The following CLDN10 variants were observed in gnomAD, a reference collection of about 807,000 sequenced individuals.
CLDN10 encodes claudin 10, also known as claudin-10.
Under a neutral mutation model 22.9 loss-of-function variants are expected in CLDN10, and 15 were observed. The observed-to-expected ratio is 0.65, with a 90% CI of 0.44 to 1.01. CLDN10 has a LOEUF of 1.01. Ranked by LOEUF, CLDN10 falls within the 50% of genes least tolerant of loss-of-function variation. CLDN10 has a pLI of 0.00. For synonymous variants in CLDN10, 114 were observed against 111.4 expected (o/e 1.02, Z -0.15); for missense variants, 247 against 287.8 (o/e 0.86, Z 1.03).
chr13:95,486,148 G>C (rs1228237314), intron 1 of CLDN10, among the ~76,000 whole-genome samples: 1 of 152,144 alleles, frequency 6.6e-6, no homozygotes, highest in African/African-American at 2.4e-5. Context: ...ATGGATGCTA[G>C]GCTTCTGTTG....
Position 95,471,008 on chromosome 13 carries a change from G to C in CLDN10, c.214+36961G>C, listed in dbSNP as rs544305275. On this transcript the variant is annotated intron_variant, in intron 1 of 4. Transcript: ENST00000376873. ...AGTTCCTGCTCTTCCAGGCTAGAGG[G>C]GGAAAGGAGACGAGAAAGGAGAGGT... 7.9e-5 allele frequency among the ~76,000 whole-genome samples: 12 copies of C among 152,274 alleles called. No individual in the cohort carries two copies. In the East Asian group the frequency reaches 2.3e-3, roughly 29 times the overall value.
intron 1 of CLDN10, among the ~76,000 whole-genome samples, chr13:95,512,509 G>C (rs540524909): frequency 6.6e-6 from 1 of 152,298 alleles, no homozygotes; most frequent in South Asian, 2.1e-4. Flanking sequence ...GGAGAATAGG[G>C]GGATAGCGAG....
chr13:95,550,461 C>T (rs2043551091), upstream of CLDN10, among the ~76,000 whole-genome samples: 1 of 152,098 alleles, frequency 6.6e-6, no homozygotes. Flanking sequence ...AAGAAATAAT[C>T]AATTTAGTGA....
chr13:95,477,292 G>A (rs1566290435), intron 1 of CLDN10, among the ~76,000 whole-genome samples: 1 of 152,170 alleles, frequency 6.6e-6, no homozygotes, highest in Non-Finnish European at 1.5e-5. Context: ...CTCAGGACTG[G>A]CTAGTTTAAA....
At chr13:95,498,699 C>A (rs2042953166) in intron 1 of CLDN10, among the ~76,000 whole-genome samples, 1 of 152,158 alleles carries the variant, frequency 6.6e-6, no homozygotes, top group Admixed American at 6.5e-5. Flanking sequence ...CCAGCCTATT[C>A]CTCTCCTTTA....
chr13:95,560,063 G>C (rs1338500821), intron 1 of CLDN10, 69 bp from the exon 2 acceptor site: 30 of 1,403,852 alleles, frequency 2.1e-5, no homozygotes, highest in Non-Finnish European at 2.8e-5. Flanking sequence ...GAATGACAAC[G>C]TAAAATGAGG....
chr13:95,542,199 C>T (rs1290059950), intron 1 of CLDN10, among the ~76,000 whole-genome samples: 1 of 152,176 alleles, frequency 6.6e-6, no homozygotes, highest in African/African-American at 2.4e-5. Context: ...CTGAACCATT[C>T]GTGAGAAATC....
At position 95,519,495 on chromosome 13, in the gene CLDN10, G is replaced by A. The variant is rs73545100; in HGVS notation, c.215-40637G>A. ...GTTAGCTAGAAGTTATACAGCAGTT[G>A]ATCAACCTAGATCTTCATAATAGCC... On this transcript the variant is annotated intron_variant, in intron 1 of 4. Transcript: ENST00000376873. Among the ~76,000 whole-genome samples, 1,438 of 152,328 alleles carry A rather than the reference G, an allele frequency of 9.4e-3. 32 individuals carry two copies. Among genetic ancestry groups the A allele is most frequent in the African/African-American group, 0.033 (1,369 of 41,584 alleles).
intron 1 of CLDN10, among the ~76,000 whole-genome samples, chr13:95,456,792 G>A (rs2042486142): frequency 6.6e-6 from 1 of 152,062 alleles, no homozygotes; most frequent in South Asian, 2.1e-4. Flanking sequence ...AAAACAAAAT[G>A]AAAACATTCA....
chr13:95,490,172 T>C (rs1299224379), intron 1 of CLDN10, among the ~76,000 whole-genome samples: 1 of 152,206 alleles, frequency 6.6e-6, no homozygotes, highest in Non-Finnish European at 1.5e-5. Context: ...GATTTGTTCT[T>C]TTTGCTTAGT....
intron 1 of CLDN10, among the ~76,000 whole-genome samples, chr13:95,477,452 A>G (rs1310847692): frequency 6.6e-6 from 1 of 152,120 alleles, no homozygotes; most frequent in Non-Finnish European, 1.5e-5. Context: ...TTTTCATTTG[A>G]AAAGCATATC....
intron 1 of CLDN10, among the ~76,000 whole-genome samples, chr13:95,435,500 G>A (rs985794036): frequency 2.6e-5 from 4 of 152,158 alleles, no homozygotes; most frequent in Admixed American, 6.5e-5. Flanking sequence ...ATATTCAAGC[G>A]TGGATGCCTC....
At chr13:95,470,567 C>A (rs947356926) in intron 1 of CLDN10, among the ~76,000 whole-genome samples, 5 of 152,172 alleles carry the variant, frequency 3.3e-5, no homozygotes, top group African/African-American at 1.2e-4. Flanking sequence ...TACAGCCAAC[C>A]CCCGAAGGCT....
chr13:95,480,839 T>C (rs1451295305), intron 1 of CLDN10, among the ~76,000 whole-genome samples: 1 of 152,230 alleles, frequency 6.6e-6, no homozygotes, highest in East Asian at 1.9e-4. Flanking sequence ...GTTGAAATAC[T>C]TAGAAGTTAT....
intron 1 of CLDN10, among the ~76,000 whole-genome samples, chr13:95,485,397 T>C (rs1334726234): frequency 6.6e-6 from 1 of 152,194 alleles, no homozygotes; most frequent in East Asian, 1.9e-4. Context: ...CCAGCCTCCA[T>C]GGTCAAGGCA....
intron 1 of CLDN10, among the ~76,000 whole-genome samples, chr13:95,439,465 C>T (rs1355239367): frequency 1.3e-5 from 2 of 151,894 alleles, no homozygotes; most frequent in African/African-American, 2.4e-5. Context: ...TCCCAAGTAG[C>T]GGGGACTACA....
chr13:95,460,279 G>A (rs1228315202), intron 1 of CLDN10, among the ~76,000 whole-genome samples: 1 of 152,000 alleles, frequency 6.6e-6, no homozygotes, highest in Non-Finnish European at 1.5e-5. Flanking sequence ...CTGTTACCCA[G>A]TTCCAAAGTT....
intron 1 of CLDN10, among the ~76,000 whole-genome samples, chr13:95,436,970 G>T (rs2042278794): frequency 6.6e-6 from 1 of 152,006 alleles, no homozygotes; most frequent in African/African-American, 2.4e-5. Context: ...TTGTCAATTT[G>T]AGACAAATCT....
At chr13:95,467,663 A>G (rs957770897) in intron 1 of CLDN10, among the ~76,000 whole-genome samples, 2 of 152,242 alleles carry the variant, frequency 1.3e-5, no homozygotes, top group Admixed American at 6.5e-5. Flanking sequence ...CAGAATCAAT[A>G]GAAGAAAGAG....
Sources: gnomAD v4.1 joint callset for allele counts (sites outside exome capture counted in the v4.1 genomes callset) on GRCh38, gnomAD v4.1.1 for gene constraint, MANE v1.5 for transcripts, NCBI Gene and HGNC (gene_info 2026-07-23, HGNC 2026-07-21) for gene names.